The following FBXW2 variants were observed in gnomAD, a reference collection of about 807,000 sequenced individuals.
FBXW2 encodes the protein F-box and WD repeat domain containing 2, also known as F-box/WD repeat-containing protein 2.
A neutral mutation model predicts 46.0 loss-of-function variants in FBXW2; 12 were observed. The ratio of observed to expected loss-of-function variants is 0.26; its 90% CI spans 0.17 to 0.42. The LOEUF (loss-of-function observed/expected upper bound fraction) is 0.42. Ranked by LOEUF, FBXW2 falls within the 10% of genes least tolerant of loss-of-function variation. The pLI is 1.00. For missense variants in FBXW2, 360 were observed against 537.0 expected (o/e 0.67, Z 3.26); for synonymous variants, 203 against 209.6 (o/e 0.97, Z 0.27).
At chr9:120,782,515 G>A (rs767442451) in intron 3 of FBXW2, among the ~76,000 whole-genome samples, 1 of 151,440 alleles carries the variant, frequency 6.6e-6, no homozygotes, top group Non-Finnish European at 1.5e-5. Flanking sequence ...TTTGCCACAG[G>A]CTGTGGGGGA....
intron 7 of FBXW2, among the ~76,000 whole-genome samples, chr9:120,766,528 G>A (rs2044278404): frequency 6.6e-6 from 1 of 152,128 alleles, no homozygotes; most frequent in Non-Finnish European, 1.5e-5. Context: ...GCAGTGGCGT[G>A]ATCTCGGCTC....
intron 3 of FBXW2, among the ~76,000 whole-genome samples, chr9:120,781,675 C>CACACACACACACACACACACAT (rs761941263): frequency 6.8e-6 from 1 of 146,224 alleles, no homozygotes; most frequent in Non-Finnish European, 1.5e-5. Flanking sequence ...CACACACACA[C>CACACACACACACACACACACAT]ATACACACAC....
At position 120,763,734 on chromosome 9, in the gene FBXW2, A is replaced by G. The variant is rs981070565; in HGVS notation, c.*825T>C. 1.5e-4 allele frequency: 23 copies of G among 152,242 alleles called. No homozygotes were observed. Among genetic ancestry groups the G allele is most frequent in the African/African-American group, 5.5e-4 (23 of 41,462 alleles). The allele number at this position is 152,242 out of a possible 1,614,324, so 9.4% of individuals were successfully genotyped here. On this transcript the variant is annotated 3_prime_UTR_variant, in exon 8 of 8. Coordinates refer to ENST00000608872, the MANE Select transcript of FBXW2 (RefSeq NM_012164.4). Reference sequence around the variant, plus strand: ...AGAATCTTAGAAATCACTGAGCTTCATACCTGGCTGTACAGACAAGGAAGC... The same window carrying G: ...AGAATCTTAGAAATCACTGAGCTTCGTACCTGGCTGTACAGACAAGGAAGC...
chr9:120,770,049 T>A (rs2044344041), intron 7 of FBXW2, among the ~76,000 whole-genome samples: 1 of 152,168 alleles, frequency 6.6e-6, no homozygotes, highest in African/African-American at 2.4e-5. Context: ...TGTGATCAGA[T>A]CCACACGAGC....
chr9:120,788,211 T>C lies in FBXW2; in HGVS notation c.48A>G (p.Thr16=), dbSNP rs2131375331. The change falls in exon 3 of 8, where the codon ACA becomes ACG. Residue 16 remains threonine, a synonymous_variant. Transcript: ENST00000608872. ...FETWLDNISV[T]FLSLTDLQKN... The stretch of plus-strand genomic sequence containing the variant: ...TCTGCAAGTCCGTCAGAGAAAGAAA[T>C]GTAACAGAAATGTTATCAAGCCATG... The C allele has an allele frequency of 6.2e-7, 1 of 1,614,134 alleles. No homozygotes were observed.
intron 2 of FBXW2, among the ~76,000 whole-genome samples, chr9:120,789,621 CAT>C (rs1489842594): frequency 3.9e-5 from 6 of 152,132 alleles, no homozygotes; most frequent in African/African-American, 1.4e-4. Flanking sequence ...ACAAGACTGT[CAT>C]ATTAATTTTA....
rs149515219 is a variant in FBXW2 at position 120,772,863 on chromosome 9, G to T, written c.820-23C>A. ...TACCTGCAAATGTAAACCATGTTAC[G>T]GAAAGATCCTTTTAATGCTGCTCCT... On this transcript the variant is annotated intron_variant, in intron 5 of 7. Coordinates refer to ENST00000608872, the MANE Select transcript of FBXW2 (RefSeq NM_012164.4). 5.9e-6 allele frequency: 9 copies of T among 1,532,084 alleles called. No homozygotes were observed. The Middle Eastern group carries it at 5.1e-4, about 87-fold the overall frequency. The allele number at this position is 1,532,084 out of a possible 1,614,324, so 94.9% of individuals were successfully genotyped here.
chr9:120,766,073 T>C (rs1340485373), intron 7 of FBXW2, among the ~76,000 whole-genome samples: 3 of 152,056 alleles, frequency 2.0e-5, no homozygotes, highest in Admixed American at 1.3e-4. Flanking sequence ...CTCTGTGACA[T>C]ATGGTGGGGC....
At chr9:120,766,257 G>T (rs1352220878) in intron 7 of FBXW2, among the ~76,000 whole-genome samples, 2 of 152,098 alleles carry the variant, frequency 1.3e-5, no homozygotes, top group African/African-American at 4.8e-5. Flanking sequence ...CTGTATATGA[G>T]GATCACTTCT....
In FBXW2 at chr9:120,760,865, C is replaced by T. The variant is rs1466224129; in HGVS notation, c.*3694G>A. 6.6e-6 allele frequency: 1 copy of T among 152,120 alleles called. No homozygotes were observed. The highest frequency in any genetic ancestry group is 1.5e-5 in the Non-Finnish European group (1 of 68,012). 9.4% of individuals were successfully genotyped at this position (152,120 alleles called of 1,614,324 possible). A position where few individuals can be genotyped will look rare whatever the true frequency, so the allele number is the denominator to read the frequency against. ...TCCGAAAGTTATTTCTTTTGTTTTA[C>T]AAATAGAGAGCAGTAATCATTTTCC... On this transcript the variant is annotated 3_prime_UTR_variant, in exon 8 of 8. Coordinates refer to ENST00000608872, the MANE Select transcript of FBXW2 (RefSeq NM_012164.4).
intron 5 of FBXW2, 64 bp from the exon 6 acceptor site, chr9:120,772,904 TTTAAA>T (rs2044410511): frequency 4.4e-6 from 5 of 1,148,390 alleles, no homozygotes; most frequent in African/African-American, 1.6e-5. Context: ...GATTTTATTC[TTTAAA>T]TTAAAATACA....
Position 120,764,326 on chromosome 9 carries a change from T to C in FBXW2, c.*233A>G, listed in dbSNP as rs1160173532. ...TCTAACACTGACCAACATAACTAAGTACAAATGAAGTCAATGGTGTACCCC... is the reference window on the plus strand; with the variant it reads ...TCTAACACTGACCAACATAACTAAGCACAAATGAAGTCAATGGTGTACCCC... On this transcript the variant is annotated 3_prime_UTR_variant, in exon 8 of 8. Coordinates refer to ENST00000608872, the MANE Select transcript of FBXW2 (RefSeq NM_012164.4). 1.9e-6 allele frequency: 1 copy of C among 525,116 alleles called. No individual in the cohort carries two copies. Among genetic ancestry groups the C allele is most frequent in the African/African-American group, 1.9e-5 (1 of 53,294 alleles). 32.5% of individuals were successfully genotyped at this position (525,116 alleles called of 1,614,324 possible). A position where few individuals can be genotyped will look rare whatever the true frequency, so the allele number is the denominator to read the frequency against.
chr9:120,781,940 T>C lies in FBXW2; in HGVS notation c.491-3395A>G, dbSNP rs183378079. 2.7e-4 allele frequency among the ~76,000 whole-genome samples: 40 copies of C among 150,746 alleles called. No homozygotes were observed. The East Asian group carries it at 7.1e-3, about 27-fold the overall frequency. Reference sequence around the variant, plus strand: ...TGGGAGGCTAAGACAGAAGAATTGCTTGAACCCGGGAGGCGGAGGTTGCGG... The same window carrying C: ...TGGGAGGCTAAGACAGAAGAATTGCCTGAACCCGGGAGGCGGAGGTTGCGG... On this transcript the variant is annotated intron_variant, in intron 3 of 7. Coordinates refer to ENST00000608872, the MANE Select transcript of FBXW2 (RefSeq NM_012164.4).
intron 2 of FBXW2, among the ~76,000 whole-genome samples, chr9:120,788,842 G>A (rs1215501380): frequency 6.6e-6 from 1 of 152,196 alleles, no homozygotes; most frequent in African/African-American, 2.4e-5. Context: ...CAGATGTTCA[G>A]ATGAAAAGGT....
intron 7 of FBXW2, among the ~76,000 whole-genome samples, chr9:120,769,214 C>T (rs1163421437): frequency 6.6e-6 from 1 of 152,170 alleles, no homozygotes; most frequent in Non-Finnish European, 1.5e-5. Flanking sequence ...CTAAGTAGCC[C>T]TACCTGGTCC....
At chr9:120,767,389 A>T (rs1477689749) in intron 7 of FBXW2, among the ~76,000 whole-genome samples, 1 of 152,214 alleles carries the variant, frequency 6.6e-6, no homozygotes, top group Non-Finnish European at 1.5e-5. Context: ...GTTTGAGAAC[A>T]TCCAAAATCA....
chr9:120,776,453 AT>A lies in FBXW2; in HGVS notation c.686-228del, dbSNP rs754435634. The A allele has an allele frequency of 1.8e-5, 9 of 493,938 alleles. No individual in the cohort carries two copies. The South Asian group carries it at 2.4e-4, about 13-fold the overall frequency. The allele number at this position is 493,938 out of a possible 1,614,324, so 30.6% of individuals were successfully genotyped here. On this transcript the variant is annotated intron_variant, in intron 4 of 7. Coordinates refer to ENST00000608872, the MANE Select transcript of FBXW2 (RefSeq NM_012164.4). ...TCCTAGGAATAATACAATCTCTTTTATTTGTGGTAGCTACAGTGAGAGGCAA... is the reference window on the plus strand; with the variant it reads ...TCCTAGGAATAATACAATCTCTTTTATTGTGGTAGCTACAGTGAGAGGCAA...
At position 120,793,249 on chromosome 9, in the gene FBXW2, C is replaced by A; in HGVS notation, c.-121G>T. On this transcript the variant is annotated 5_prime_UTR_variant, in exon 2 of 8. Coordinates refer to ENST00000608872, the MANE Select transcript of FBXW2 (RefSeq NM_012164.4). ...TGCAGCGGCCGGGTCCGCTCCGCAG[C>A]CATGGCGCCTGCAGGGAAAGAAAAA... 2.1e-6 allele frequency: 1 copy of A among 478,122 alleles called. No individual in the cohort carries two copies. Among genetic ancestry groups the A allele is most frequent in the Non-Finnish European group, 3.7e-6 (1 of 271,990 alleles). 29.6% of individuals were successfully genotyped at this position (478,122 alleles called of 1,614,324 possible).
chr9:120,758,860 C>CA lies in FBXW2; in HGVS notation c.*5698dup, dbSNP rs1184199090. 2.0e-5 allele frequency: 3 copies of CA among 152,118 alleles called. No homozygotes were observed. Among genetic ancestry groups the CA allele is most frequent in the African/African-American group, 7.2e-5 (3 of 41,398 alleles). The allele number at this position is 152,118 out of a possible 1,614,324, so 9.4% of individuals were successfully genotyped here. On this transcript the variant is annotated 3_prime_UTR_variant, in exon 8 of 8. Transcript: ENST00000608872. The stretch of plus-strand genomic sequence containing the variant: ...TGTGCTGGATAGACACATCCTTGGG[C>CA]AAAAGAGAGGAAGACTATTCCAAGG...
Sources: gnomAD v4.1 joint callset for allele counts (sites outside exome capture counted in the v4.1 genomes callset) on GRCh38, gnomAD v4.1.1 for gene constraint, MANE v1.5 for transcripts, NCBI Gene and HGNC (gene_info 2026-07-23, HGNC 2026-07-21) for gene names.